The following SHISA9 variants were observed in gnomAD, a reference collection of about 807,000 sequenced individuals.
SHISA9 encodes the protein protein shisa-9.
A neutral mutation model predicts 38.0 loss-of-function variants in SHISA9; 13 were observed. That is an observed-to-expected ratio of 0.34 (90% CI 0.22 to 0.54). The LOEUF (loss-of-function observed/expected upper bound fraction) is 0.54, where lower values mean the gene tolerates loss of function less well. Among genes scored for constraint, SHISA9 ranks in the 20% least tolerant of loss-of-function variants. SHISA9 has a pLI of 0.91. For missense variants in SHISA9, 538 were observed against 575.8 expected (o/e 0.93, Z 0.67); for synonymous variants, 275 against 242.0 (o/e 1.14, Z -1.27).
chr16:13,352,726 A>G, the SHISA9 span, among the ~76,000 whole-genome samples: 2 of 121,958 alleles, frequency 1.6e-5, no homozygotes, highest in African/African-American at 7.3e-5. Context: ...GGCGTTTTAT[A>G]GGATTTGGGT....
intron 2 of SHISA9, among the ~76,000 whole-genome samples, chr16:13,199,532 CA>C (rs2050983531): frequency 6.6e-6 from 1 of 152,136 alleles, no homozygotes; most frequent in African/African-American, 2.4e-5. Flanking sequence ...CCAGGAGCCA[CA>C]AAAAACACTC....
chr16:13,006,071 C>A (rs2072594438), intron 2 of SHISA9, among the ~76,000 whole-genome samples: 1 of 152,208 alleles, frequency 6.6e-6, no homozygotes, highest in Non-Finnish European at 1.5e-5. Flanking sequence ...CGCACGCACA[C>A]ACACACGCGC....
intron 2 of SHISA9, among the ~76,000 whole-genome samples, chr16:12,977,204 G>T (rs926436208): frequency 2.6e-5 from 4 of 152,116 alleles, no homozygotes; most frequent in South Asian, 2.1e-4. Context: ...TGGGTTCCTG[G>T]GTGGATAATC....
rs191308475 is a variant in SHISA9 at position 13,038,792 on chromosome 16, C to G, written c.691+121977C>G. The stretch of plus-strand genomic sequence containing the variant: ...CTCCACAGAGGCAAAGACTACATAT[C>G]ATGTCAATTTTGCCCACTACTGAAT... On this transcript the variant is annotated intron_variant, in intron 2 of 4. Transcript: ENST00000558583. Among the ~76,000 whole-genome samples the G allele has an allele frequency of 2.6e-5, 4 of 152,324 alleles. No homozygotes were observed. In the East Asian group the frequency reaches 7.7e-4, roughly 29 times the overall value.
intron 2 of SHISA9, among the ~76,000 whole-genome samples, chr16:13,133,248 G>A (rs2050320713): frequency 6.6e-6 from 1 of 152,208 alleles, no homozygotes; most frequent in Admixed American, 6.5e-5. Context: ...TTGATGTGGA[G>A]GAAAGTGTGC....
the SHISA9 span, among the ~76,000 whole-genome samples, chr16:13,510,834 T>A: frequency 6.6e-6 from 1 of 152,270 alleles, no homozygotes; most frequent in South Asian, 2.1e-4. Context: ...AGAATTGTCA[T>A]CTCTGCAATC....
At chr16:13,497,907 A>G in the SHISA9 span, among the ~76,000 whole-genome samples, 1 of 152,086 alleles carries the variant, frequency 6.6e-6, no homozygotes. Flanking sequence ...AATTCCAATC[A>G]GATTAAAATA....
chr16:13,147,022 A>G (rs1247921894), intron 2 of SHISA9, among the ~76,000 whole-genome samples: 1 of 152,202 alleles, frequency 6.6e-6, no homozygotes, highest in African/African-American at 2.4e-5. Flanking sequence ...GAGTGAATGA[A>G]TGAATGAATG....
chr16:13,018,275 G>A (rs1467908503), intron 2 of SHISA9, among the ~76,000 whole-genome samples: 1 of 152,214 alleles, frequency 6.6e-6, no homozygotes, highest in African/African-American at 2.4e-5. Flanking sequence ...CCAAAGGCCT[G>A]ATCCCAAATC....
chr16:13,358,842 C>G, the SHISA9 span, among the ~76,000 whole-genome samples: 1 of 152,184 alleles, frequency 6.6e-6, no homozygotes, highest in Non-Finnish European at 1.5e-5. Flanking sequence ...ATATGATTGA[C>G]AGGCCTAGAA....
intron 2 of SHISA9, among the ~76,000 whole-genome samples, chr16:13,179,216 G>T (rs556704804): frequency 6.6e-6 from 1 of 152,304 alleles, no homozygotes; most frequent in South Asian, 2.1e-4. Context: ...CTATTCAGGA[G>T]GCTGAGGCGG....
At chr16:13,244,211 C>G (rs775279761), downstream of SHISA9, among the ~76,000 whole-genome samples, 1 of 151,532 alleles carries the variant, frequency 6.6e-6, no homozygotes, top group Non-Finnish European at 1.5e-5. Flanking sequence ...CATAGAATTA[C>G]AAAAAAAACC....
Position 12,935,657 on chromosome 16 carries a change from G to A in SHISA9, c.691+18842G>A, listed in dbSNP as rs1473681277. ...GAGCTCAGGGGTTCAAGATCAGCCT[G>A]GGCAACACAGTGAAACCCCATCTGT... On this transcript the variant is annotated intron_variant, in intron 2 of 4. Transcript: ENST00000558583. 3.3e-5 allele frequency among the ~76,000 whole-genome samples: 5 copies of A among 151,950 alleles called. 1 individual carries two copies. Among genetic ancestry groups the A allele is most frequent in the African/African-American group, 9.7e-5 (4 of 41,350 alleles).
At chr16:13,034,096 G>C (rs12446917) in intron 2 of SHISA9, among the ~76,000 whole-genome samples, 14 of 151,232 alleles carry the variant, frequency 9.3e-5, no homozygotes, top group Admixed American at 3.9e-4. Context: ...AGAGAGCTGA[G>C]ATTGTGTCAT....
At chr16:13,474,188 C>G in the SHISA9 span, 1 of 152,118 alleles carries the variant, frequency 6.6e-6, no homozygotes, top group African/African-American at 2.4e-5. Context: ...GACTTACATC[C>G]CTCTTCTTCT....
intron 2 of SHISA9, among the ~76,000 whole-genome samples, chr16:12,959,473 A>G (rs2071879975): frequency 1.3e-5 from 2 of 152,142 alleles, no homozygotes; most frequent in African/African-American, 2.4e-5. Flanking sequence ...TCACCCCTCT[A>G]CTGTCCACTG....
chr16:12,967,734 C>G (rs1453439291), intron 2 of SHISA9, among the ~76,000 whole-genome samples: 1 of 151,706 alleles, frequency 6.6e-6, no homozygotes, highest in Non-Finnish European at 1.5e-5. Context: ...GATTCCTCTC[C>G]TAAGTGTAGC....
the SHISA9 span, among the ~76,000 whole-genome samples, chr16:13,301,951 G>A: frequency 6.6e-6 from 1 of 152,200 alleles, no homozygotes; most frequent in Non-Finnish European, 1.5e-5. Context: ...GCAAGGTGGG[G>A]ACTGAGATAA....
rs962474433 is a variant in SHISA9, at chr16:13,040,443, A to T, written c.691+123628A>T. Among the ~76,000 whole-genome samples the T allele has an allele frequency of 5.3e-5, 8 of 152,288 alleles. No homozygotes were observed. In the South Asian group the frequency reaches 1.7e-3, roughly 32 times the overall value. On this transcript the variant is annotated intron_variant, in intron 2 of 4. Transcript: ENST00000558583. ...TTTCAGCTCAAATGCCACTTCTACA[A>T]ATGGCCTCCTTTTCTAAAAAGCTTT... is the stretch of plus-strand genomic sequence containing the variant.
Sources: gnomAD v4.1 joint callset for allele counts (sites outside exome capture counted in the v4.1 genomes callset) on GRCh38, gnomAD v4.1.1 for gene constraint, MANE v1.5 for transcripts, NCBI Gene and HGNC (gene_info 2026-07-23, HGNC 2026-07-21) for gene names.